MED12: variants seen among roughly 807,000 people sequenced by gnomAD.
The protein encoded by MED12 is mediator complex subunit 12, also known as mediator of RNA polymerase II transcription subunit 12.
MED12 carries 10 observed loss-of-function variants against 177.7 expected under a neutral mutation model. The observed-to-expected ratio is 0.06, with a 90% CI of 0.03 to 0.10. The LOEUF is 0.10. Among genes scored for constraint, MED12 ranks in the 10% least tolerant of loss-of-function variants. The pLI is 1.00. For missense variants in MED12, 867 were observed against 1,780.8 expected (o/e 0.49, Z 9.23); for synonymous variants, 641 against 678.4 (o/e 0.94, Z 0.86).
At chrX:71,130,362 G>A in intron 28 of MED12, 148 bp downstream of exon 28, 3 of 583,702 alleles carry the variant, frequency 5.1e-6, no homozygotes, top group Non-Finnish European at 8.2e-6. Context: ...GAGAGAAACA[G>A]CTCCAGCATG....
In MED12 at chrX:71,140,727, C is replaced by G. The variant is rs2092344871; in HGVS notation, c.6137C>G (p.Ala2046Gly). Residue 2046 changes from alanine (A) to glycine (G), a missense_variant, in exon 42 of 45, where the codon GCC becomes GGC. By Grantham distance (60) the Ala-to-Gly change is moderately conservative. Coordinates refer to ENST00000374080, the MANE Select transcript of MED12 (RefSeq NM_005120.3). Reference sequence around the variant, plus strand: ...GTCCAGGCAGGCGTCCGTTCAACAGCCATCCTACCTGAGCAGCAGCAGCAG... The same window carrying G: ...GTCCAGGCAGGCGTCCGTTCAACAGGCATCCTACCTGAGCAGCAGCAGCAG... ...QGVQAGVRSTAILPEQQQQQQ... is the reference protein window; with the variant it reads ...QGVQAGVRSTGILPEQQQQQQ... 8.3e-7 allele frequency: 1 copy of G among 1,207,049 alleles called. No individual in the cohort carries two copies. The highest frequency in any genetic ancestry group is 1.8e-5 in the African/African-American group (1 of 56,184).
intron 33 of MED12, among the ~76,000 whole-genome samples, chrX:71,134,004 C>T (rs1334421373): frequency 4.6e-5 from 5 of 109,666 alleles, no homozygotes; most frequent in Admixed American, 9.7e-5. Context: ...CCGAGGTGGG[C>T]GGATCACGAG....
Position 71,136,918 on chromosome X carries a change from G to T in MED12, c.5440G>T (p.Val1814Leu). The T allele has an allele frequency of 8.3e-7, 1 of 1,210,883 alleles. No individual in the cohort carries two copies. The highest frequency in any genetic ancestry group is 1.1e-6 in the Non-Finnish European group (1 of 895,429). Residue 1814 changes from valine to leucine, a missense_variant, in exon 38 of 45, where the codon GTG becomes TTG. Physicochemically the swap from Val to Leu is conservative, Grantham distance 32. Coordinates refer to ENST00000374080, the MANE Select transcript of MED12 (RefSeq NM_005120.3). ...MGPGRSGPYG[V>L]TVPPDLLHHP... ...CCCGGGTCGGAGCGGCCCTTATGGT[G>T]TGACAGTGCCTCCGGACCTCCTGCA...
intron 5 of MED12, 51 bp downstream of exon 5, chrX:71,121,203 A>G (rs759508702): frequency 2.1e-5 from 25 of 1,195,697 alleles, no homozygotes; most frequent in Middle Eastern, 2.7e-4. Flanking sequence ...TTGAACTTGT[A>G]CTCTGCCAGT....
At chrX:71,122,084 T>C in intron 7 of MED12, 116 bp from the exon 8 acceptor site, 2 of 1,018,251 alleles carry the variant, frequency 2.0e-6, no homozygotes, top group Admixed American at 4.4e-5. Context: ...GATGCCTGTC[T>C]TGGGGACCCA....
intron 4 of MED12, among the ~76,000 whole-genome samples, 182 bp downstream of exon 4, chrX:71,120,352 G>C (rs1457197300): frequency 9.1e-6 from 1 of 109,741 alleles, no homozygotes; most frequent in African/African-American, 3.3e-5. Flanking sequence ...CTACAAAGAT[G>C]TCCGGTGCAT....
chrX:71,136,813 C>G (rs1019022007), intron 37 of MED12, 66 bp from the exon 38 acceptor site: 4 of 1,194,228 alleles, frequency 3.3e-6, no homozygotes, highest in Non-Finnish European at 4.5e-6. Context: ...TTACCTCATT[C>G]TCCCCCAGCT....
At chrX:71,136,017 G>GC (rs1324844691) in intron 36 of MED12, among the ~76,000 whole-genome samples, 1 of 77,733 alleles carries the variant, frequency 1.3e-5, no homozygotes, top group African/African-American at 5.2e-5. Context: ...CTCCCCACAC[G>GC]CCCCCCGCCC....
Position 71,136,930 on chromosome X carries a change from C to T in MED12, c.5452C>T (p.Pro1818Ser), listed in dbSNP as rs2147828009. 8.3e-7 allele frequency: 1 copy of T among 1,210,529 alleles called. No homozygotes were observed. Among genetic ancestry groups the T allele is most frequent in the Non-Finnish European group, 1.1e-6 (1 of 895,345 alleles). ...CGGCCCTTATGGTGTGACAGTGCCTCCGGACCTCCTGCACCACCCAAACCC... is the reference window on the plus strand; with the variant it reads ...CGGCCCTTATGGTGTGACAGTGCCTTCGGACCTCCTGCACCACCCAAACCC... Reference protein sequence around the residue: ...RSGPYGVTVPPDLLHHPNPGS... With the variant: ...RSGPYGVTVPSDLLHHPNPGS... The change falls in exon 38 of 45, where the codon CCG becomes TCG. Residue 1818 changes from proline (P) to serine (S), a missense_variant. By Grantham distance (74) the Pro-to-Ser change is moderately conservative. Around this residue, in one of 14 missense-constraint regions of MED12, gnomAD observed 236 missense variants for 345.2 expected, o/e 0.68. Transcript: ENST00000374080.
chrX:71,135,002 C>T, intron 35 of MED12, 90 bp from the exon 36 acceptor site: 1 of 1,171,050 alleles, frequency 8.5e-7, no homozygotes, highest in Non-Finnish European at 1.2e-6. Context: ...TGGGGGTCTT[C>T]TCTGTGCCAG....
At chrX:71,124,891 C>T in intron 14 of MED12, 47 bp downstream of exon 14, 3 of 1,183,393 alleles carry the variant, frequency 2.5e-6, no homozygotes, top group Non-Finnish European at 3.4e-6. Context: ...TTGGATCTTC[C>T]CATTATGCCT....
rs373056174 is a variant in MED12, at chrX:71,137,543, C to T, written c.5749-15C>T. On this transcript the variant is annotated splice_polypyrimidine_tract_variant and intron_variant, in intron 39 of 44. Coordinates refer to ENST00000374080, the MANE Select transcript of MED12 (RefSeq NM_005120.3). ...GCATTTCCTGAGTTTGAGTTGTTCT[C>T]TTTTCTCCCTTTAGCAGAGTCAGGG... is the stretch of plus-strand genomic sequence containing the variant. 6.7e-5 allele frequency: 80 copies of T among 1,201,412 alleles called. No individual in the cohort carries two copies. Among genetic ancestry groups the T allele is most frequent in the Non-Finnish European group, 8.3e-5 (74 of 888,987 alleles).
At chrX:71,140,927 C>G in intron 42 of MED12, 70 bp downstream of exon 42, 1 of 1,193,855 alleles carries the variant, frequency 8.4e-7, no homozygotes, top group South Asian at 1.8e-5. Context: ...TCTTCCCACA[C>G]AGTTACCGAG....
chrX:71,140,947 G>A lies in MED12; in HGVS notation c.6267+90G>A, dbSNP rs1391858987. ...CCACACAGTTACCGAGACTAAACAAGGCAGTGTACCAAAACACCTAGCAGA... is the reference window on the plus strand; with the variant it reads ...CCACACAGTTACCGAGACTAAACAAAGCAGTGTACCAAAACACCTAGCAGA... On this transcript the variant is annotated intron_variant, in intron 42 of 44. Transcript: ENST00000374080. 6 of 1,183,072 alleles carry A rather than the reference G, an allele frequency of 5.1e-6. No individual in the cohort carries two copies. The Admixed American group carries it at 8.9e-5, about 18-fold the overall frequency.
intron 29 of MED12, 44 bp downstream of exon 29, chrX:71,131,665 C>T: frequency 1.7e-6 from 2 of 1,158,651 alleles, no homozygotes; most frequent in Non-Finnish European, 2.4e-6. Context: ...TCACGTTCAG[C>T]TCCATGTGTC....
At chrX:71,130,255 C>G (rs2092313582) in intron 28 of MED12, 41 bp downstream of exon 28, 2 of 1,149,815 alleles carry the variant, frequency 1.7e-6, no homozygotes, top group Non-Finnish European at 2.4e-6. Flanking sequence ...AGCAGTGGGC[C>G]CAATCTGGGG....
chrX:71,136,250 A>G (rs1369125114), intron 36 of MED12, 31 bp from the exon 37 acceptor site: 2 of 1,210,270 alleles, frequency 1.7e-6, no homozygotes, highest in Admixed American at 2.2e-5. Flanking sequence ...CTAAGTCCCA[A>G]CAGCTTATTG....
chrX:71,126,118 C>T lies in MED12; in HGVS notation c.2505C>T (p.His835=). Residue 835 remains histidine, a synonymous_variant, in exon 18 of 45, where the codon CAC becomes CAT. Coordinates refer to ENST00000374080, the MANE Select transcript of MED12 (RefSeq NM_005120.3). ...TAEDIFAKFQ[H]LSHYDQHQVT... is the part of the protein sequence containing the mutation. ...AAGATATCTTTGCTAAGTTCCAGCA[C>T]CTTTCACATTATGACCAACACCAGG... 1 of 1,211,123 alleles carries T rather than the reference C, an allele frequency of 8.3e-7. No individual in the cohort carries two copies. Among genetic ancestry groups the T allele is most frequent in the South Asian group, 1.8e-5 (1 of 57,012 alleles).
chrX:71,129,044 G>A (rs2092310227), intron 24 of MED12, 70 bp from the exon 25 acceptor site: 4 of 845,095 alleles, frequency 4.7e-6, no homozygotes, highest in East Asian at 6.2e-5. Flanking sequence ...ATGCATGCAG[G>A]CACGCACACA....
Sources: allele counts gnomAD v4.1 joint callset (sites outside exome capture counted in the v4.1 genomes callset), GRCh38; gene constraint gnomAD v4.1.1; regional missense constraint gnomAD v4.1.1; transcripts MANE v1.5; gene names NCBI Gene and HGNC (gene_info 2026-07-23, HGNC 2026-07-21).